The following HMGXB4 variants were observed in gnomAD, a reference collection of about 807,000 sequenced individuals.
The protein encoded by HMGXB4 is HMG domain-containing protein 4.
A neutral mutation model predicts 63.9 loss-of-function variants in HMGXB4; 27 were observed. The observed-to-expected ratio is 0.42, with a 90% CI of 0.31 to 0.58. The LOEUF is 0.58. HMGXB4 is among the 20% of genes least tolerant of loss of function. The pLI is 0.13. For missense variants in HMGXB4, 624 were observed against 700.7 expected (o/e 0.89, Z 1.24); for synonymous variants, 264 against 265.3 (o/e 0.99, Z 0.05).
the HMGXB4 span, among the ~76,000 whole-genome samples, chr22:35,251,988 G>A: frequency 4.6e-5 from 7 of 152,186 alleles, no homozygotes; most frequent in African/African-American, 1.7e-4. Context: ...GCCAAGGCGG[G>A]TGGATCACCT....
rs375704381 is a variant in HMGXB4, at chr22:35,265,083, A to C, written c.695A>C (p.Gln232Pro). The change falls in exon 5 of 11, where the codon CAG (glutamine) becomes CCG (proline). Residue 232 changes from glutamine to proline, a missense_variant. Physicochemically the swap from Gln to Pro is moderately conservative, Grantham distance 76 (BLOSUM62 -1). Coordinates refer to ENST00000216106, the MANE Select transcript of HMGXB4 (RefSeq NM_001003681.3). Reference sequence around the variant, plus strand: ...TCAAAGAAATCAGCTCGGGATGAGCAGGGTGCTTTACTCCTAGGACATGAG... The same window carrying C: ...TCAAAGAAATCAGCTCGGGATGAGCCGGGTGCTTTACTCCTAGGACATGAG... ...KSSKKSARDE[Q>P]GALLLGHELQ... is the part of the protein sequence containing the mutation. The C allele has an allele frequency of 1.7e-5, 28 of 1,614,104 alleles. No individual in the cohort carries two copies. Among genetic ancestry groups the C allele is most frequent in the Non-Finnish European group, 2.3e-5 (27 of 1,180,034 alleles).
At chr22:35,251,336 A>C in the HMGXB4 span, among the ~76,000 whole-genome samples, 3 of 152,048 alleles carry the variant, frequency 2.0e-5, no homozygotes. Context: ...CAGCCTCCCA[A>C]AGTGCTGGGA....
chr22:35,270,344 G>C (rs1241119051), intron 5 of HMGXB4, among the ~76,000 whole-genome samples: 1 of 152,200 alleles, frequency 6.6e-6, no homozygotes, highest in Non-Finnish European at 1.5e-5. Flanking sequence ...ATCACCCCCA[G>C]ATGGGACCAT....
chr22:35,279,838 A>T (rs953740245), intron 5 of HMGXB4, among the ~76,000 whole-genome samples: 3 of 151,774 alleles, frequency 2.0e-5, no homozygotes, highest in Non-Finnish European at 2.9e-5. Flanking sequence ...GTTCTGTTCC[A>T]TTGATGTATT....
upstream of HMGXB4, among the ~76,000 whole-genome samples, chr22:35,256,393 G>C (rs932699942): frequency 6.6e-6 from 1 of 152,156 alleles, no homozygotes; most frequent in African/African-American, 2.4e-5. Flanking sequence ...CTGCTTTACA[G>C]TAACACCAGC....
upstream of HMGXB4, among the ~76,000 whole-genome samples, chr22:35,255,266 G>T (rs1379390178): frequency 6.6e-6 from 1 of 152,126 alleles, no homozygotes; most frequent in African/African-American, 2.4e-5. Flanking sequence ...GGGAGGCCAA[G>T]GCAGGAGGAT....
chr22:35,292,293 A>G (rs1457037089), intron 9 of HMGXB4, among the ~76,000 whole-genome samples: 1 of 152,158 alleles, frequency 6.6e-6, no homozygotes, highest in African/African-American at 2.4e-5. Flanking sequence ...CCTAGGTACA[A>G]AACAGTGAGT....
At chr22:35,281,398 C>G (rs1016992357) in intron 5 of HMGXB4, among the ~76,000 whole-genome samples, 2 of 152,234 alleles carry the variant, frequency 1.3e-5, no homozygotes, top group African/African-American at 4.8e-5. Flanking sequence ...AAACGCTAAT[C>G]TAGTTTCTAC....
intron 9 of HMGXB4, among the ~76,000 whole-genome samples, chr22:35,291,977 T>G (rs1297061520): frequency 6.6e-6 from 1 of 152,134 alleles, no homozygotes; most frequent in Non-Finnish European, 1.5e-5. Flanking sequence ...ACTGGGCAGT[T>G]ATGTGAATGG....
At chr22:35,260,653 T>G (rs1484397419) in intron 1 of HMGXB4, among the ~76,000 whole-genome samples, 1 of 152,246 alleles carries the variant, frequency 6.6e-6, no homozygotes, top group African/African-American at 2.4e-5. Flanking sequence ...TTAATATAGT[T>G]TCATTACTCT....
At chr22:35,291,906 G>A (rs138321511) in intron 9 of HMGXB4, among the ~76,000 whole-genome samples, 3 of 152,170 alleles carry the variant, frequency 2.0e-5, no homozygotes, top group South Asian at 2.1e-4. Flanking sequence ...GAAAGTATAG[G>A]GGGGAGATGT....
chr22:35,266,236 G>A (rs1923239403), intron 5 of HMGXB4, among the ~76,000 whole-genome samples: 1 of 152,182 alleles, frequency 6.6e-6, no homozygotes, highest in African/African-American at 2.4e-5. Context: ...GGGCAGTTGG[G>A]AGATGTCAAA....
At chr22:35,261,805 A>G (rs558218829) in intron 1 of HMGXB4, 2 of 152,446 alleles carry the variant, frequency 1.3e-5, no homozygotes, top group Admixed American at 6.5e-5. Context: ...ATTGTGCTCT[A>G]AAGATATTTA....
intron 5 of HMGXB4, among the ~76,000 whole-genome samples, chr22:35,268,948 T>C (rs2235148): frequency 0.51 from 77,484 of 152,152 alleles, 22,606 homozygotes; most frequent in Non-Finnish European, 0.65. Flanking sequence ...TGTACACCCC[T>C]CATTAGAATT....
intron 6 of HMGXB4, among the ~76,000 whole-genome samples, chr22:35,284,725 A>C (rs1320090240): frequency 6.6e-6 from 1 of 152,256 alleles, no homozygotes; most frequent in Non-Finnish European, 1.5e-5. Context: ...AAGTTGAAAA[A>C]TCAAAAGTCA....
chr22:35,262,351 G>T lies in HMGXB4; in HGVS notation c.-40G>T. Reference sequence around the variant, plus strand: ...TGGTCCTGTAGACGGGAAGGAGCCTGGACACAGTGACACATTCTCAAAGGC... The same window carrying T: ...TGGTCCTGTAGACGGGAAGGAGCCTTGACACAGTGACACATTCTCAAAGGC... On this transcript the variant is annotated 5_prime_UTR_variant, in exon 2 of 11. Coordinates refer to ENST00000216106, the MANE Select transcript of HMGXB4 (RefSeq NM_001003681.3). 1 of 1,607,102 alleles carries T rather than the reference G, an allele frequency of 6.2e-7. No homozygotes were observed. The highest frequency in any genetic ancestry group is 1.1e-5 in the South Asian group (1 of 90,884).
At chr22:35,255,448 G>C (rs547468827), upstream of HMGXB4, among the ~76,000 whole-genome samples, 40 of 152,312 alleles carry the variant, frequency 2.6e-4, no homozygotes, top group African/African-American at 8.9e-4. Flanking sequence ...TCAGGGGGTC[G>C]AAGCTGCAGT....
chr22:35,293,761 A>G lies in HMGXB4; in HGVS notation c.*110A>G. Reference sequence around the variant, plus strand: ...CTCTGGCTGTAGGTTTTAAATTTTTATATCTATACATACATATATACATAT... The same window carrying G: ...CTCTGGCTGTAGGTTTTAAATTTTTGTATCTATACATACATATATACATAT... On this transcript the variant is annotated 3_prime_UTR_variant, in exon 11 of 11. Coordinates refer to ENST00000216106, the MANE Select transcript of HMGXB4 (RefSeq NM_001003681.3). 3.0e-6 allele frequency: 2 copies of G among 664,442 alleles called. No homozygotes were observed. The highest frequency in any genetic ancestry group is 1.8e-5 in the South Asian group (1 of 54,082). The allele number at this position is 664,442 out of a possible 1,614,324, so 41.2% of individuals were successfully genotyped here.
At chr22:35,259,733 T>A (rs896083203) in intron 1 of HMGXB4, among the ~76,000 whole-genome samples, 1 of 152,216 alleles carries the variant, frequency 6.6e-6, no homozygotes, top group Non-Finnish European at 1.5e-5. Flanking sequence ...TAATTTTAGT[T>A]TTTCAAGCTC....
Sources: allele counts gnomAD v4.1 joint callset (sites outside exome capture counted in the v4.1 genomes callset), GRCh38; gene constraint gnomAD v4.1.1; transcripts MANE v1.5; gene names NCBI Gene and HGNC (gene_info 2026-07-23, HGNC 2026-07-21).